Variants in PCDHGB1 observed in about 807,000 individuals in gnomAD.
PCDHGB1 encodes the protein protocadherin gamma-B1.
In PCDHGB1, 34 loss-of-function variants were observed where a neutral mutation model predicts 56.6. The observed-to-expected ratio is 0.60, with a 90% CI of 0.46 to 0.80. PCDHGB1 has a LOEUF of 0.80. Among genes scored for constraint, PCDHGB1 ranks in the 30% least tolerant of loss-of-function variants. The pLI is 0.00. For synonymous variants in PCDHGB1, 561 were observed against 505.9 expected (o/e 1.11, Z -1.46); for missense variants, 1,278 against 1,204.6 (o/e 1.06, Z -0.90).
At position 141,486,426 on chromosome 5, in the gene PCDHGB1, A is replaced by T; in HGVS notation, c.2410-8381A>T. 6.2e-7 allele frequency: 1 copy of T among 1,614,190 alleles called. No homozygotes were observed. The highest frequency in any genetic ancestry group is 8.5e-7 in the Non-Finnish European group (1 of 1,180,026). ...GCTGGACCCTTGGATCGAGAGGCCA[A>T]ATCTAGCTATGACATCATGGTCACT... On this transcript the variant is annotated intron_variant, in intron 1 of 3. Coordinates refer to ENST00000523390, the MANE Select transcript of PCDHGB1 (RefSeq NM_018922.3). This position sits in a 1 kb window ranked among gnomAD's most constrained non-coding sequence, Gnocchi z 5.0.
At chr5:141,437,761 C>T (rs1200327020) in intron 1 of PCDHGB1, among the ~76,000 whole-genome samples, 1 of 144,680 alleles carries the variant, frequency 6.9e-6, no homozygotes, top group African/African-American at 2.6e-5. Context: ...TTTTTTGAGA[C>T]AGAGTCTCAA....
rs762801084 is a variant in PCDHGB1, at chr5:141,389,853, A to T, written c.2409+37184A>T. 5 of 1,614,050 alleles carry T rather than the reference A, an allele frequency of 3.1e-6. No homozygotes were observed. In the South Asian group the frequency reaches 5.5e-5, roughly 18 times the overall value. On this transcript the variant is annotated intron_variant, in intron 1 of 3. Transcript: ENST00000523390. The stretch of plus-strand genomic sequence containing the variant: ...ACAGCCACCACTCTCGGCCACTGCC[A>T]CGTTGCACCTGGTCTTCGCCGACAG...
At chr5:141,374,291 G>A (rs988844728) in intron 1 of PCDHGB1, 2 of 1,613,858 alleles carry the variant, frequency 1.2e-6, no homozygotes, top group African/African-American at 1.3e-5. Flanking sequence ...CGTCTCCAGA[G>A]GTAGGATGCA....
intron 1 of PCDHGB1, chr5:141,423,477 C>T (rs376147466): frequency 1.5e-5 from 24 of 1,613,872 alleles, no homozygotes; most frequent in Non-Finnish European, 1.9e-5. Flanking sequence ...TACAGGCTTT[C>T]CTGCAAACCT....
intron 1 of PCDHGB1, chr5:141,357,623 T>A (rs1394776476): frequency 6.2e-7 from 1 of 1,613,680 alleles, no homozygotes; most frequent in Admixed American, 1.7e-5. Context: ...AATCTTCAGG[T>A]GAGTCAATCT....
chr5:141,362,997 G>A (rs1275044345), intron 1 of PCDHGB1, among the ~76,000 whole-genome samples: 1 of 152,256 alleles, frequency 6.6e-6, no homozygotes, highest in African/African-American at 2.4e-5. Context: ...GGCATGGCTT[G>A]TTAATCACAG....
intron 1 of PCDHGB1, chr5:141,382,739 G>C (rs1005950630): frequency 5.2e-6 from 3 of 573,658 alleles, no homozygotes; most frequent in Non-Finnish European, 5.9e-6. Context: ...ACAGAGAAAC[G>C]ACAGATTGCG....
At chr5:141,379,806 A>C (rs965954468) in intron 1 of PCDHGB1, among the ~76,000 whole-genome samples, 2 of 150,310 alleles carry the variant, frequency 1.3e-5, no homozygotes, top group African/African-American at 4.9e-5. Context: ...AGGTTTTGAG[A>C]GTTCAGTATA....
At chr5:141,503,936 C>G (rs2099834285) in intron 2 of PCDHGB1, among the ~76,000 whole-genome samples, 1 of 152,186 alleles carries the variant, frequency 6.6e-6, no homozygotes, top group Non-Finnish European at 1.5e-5. Flanking sequence ...CATTTTCATG[C>G]CTTCAAGGCC....
chr5:141,398,586 A>C, intron 1 of PCDHGB1: 1 of 1,614,054 alleles, frequency 6.2e-7, no homozygotes, highest in Admixed American at 1.7e-5. Flanking sequence ...CAAGATTTAT[A>C]CTAGAAGTAG....
chr5:141,423,138 C>A (rs767107885), intron 1 of PCDHGB1: 3 of 1,613,606 alleles, frequency 1.9e-6, no homozygotes, highest in Non-Finnish European at 2.5e-6. Context: ...TGGACAGAGA[C>A]GCGCTCAAGC....
In PCDHGB1 at chr5:141,356,290, A is replaced by G. The variant is rs367807303; in HGVS notation, c.2409+3621A>G. 8 of 1,555,814 alleles carry G rather than the reference A, an allele frequency of 5.1e-6. No individual in the cohort carries two copies. The highest frequency in any genetic ancestry group is 6.1e-6 in the Non-Finnish European group (7 of 1,149,116). On this transcript the variant is annotated intron_variant, in intron 1 of 3. Coordinates refer to ENST00000523390, the MANE Select transcript of PCDHGB1 (RefSeq NM_018922.3). Reference sequence around the variant, plus strand: ...AGTCCAGGAATCTTCTTCCCCGGGTACAGTAATTGCACTTTTCAACGTGCA... The same window carrying G: ...AGTCCAGGAATCTTCTTCCCCGGGTGCAGTAATTGCACTTTTCAACGTGCA...
At chr5:141,427,838 C>T (rs978867590) in intron 1 of PCDHGB1, 4 of 1,546,186 alleles carry the variant, frequency 2.6e-6, no homozygotes, top group Non-Finnish European at 1.8e-6. Flanking sequence ...AGCGTGCCTT[C>T]GACCACGAGC....
intron 1 of PCDHGB1, chr5:141,427,787 C>A (rs2097070880): frequency 6.8e-7 from 1 of 1,478,064 alleles, no homozygotes; most frequent in Non-Finnish European, 9.4e-7. Context: ...CACTGTCGTC[C>A]TACGTGTCCG....
chr5:141,350,819 A>G lies in PCDHGB1; in HGVS notation c.559A>G (p.Lys187Glu), dbSNP rs1214337885. Reference sequence around the variant, plus strand: ...AACGAAGGAAAGTCCTGATGGAAGTAAATATCCGGTATTACTGCTGGAAAA... The same window carrying G: ...AACGAAGGAAAGTCCTGATGGAAGTGAATATCCGGTATTACTGCTGGAAAA... The part of the protein sequence containing the change: ...LSTKESPDGS[K>E]YPVLLLEKPL... The change falls in exon 1 of 4, where the codon AAA becomes GAA. Residue 187 changes from lysine to glutamate, a missense_variant. Physicochemically the swap from Lys to Glu is moderately conservative, Grantham distance 56. Transcript: ENST00000523390. 3 of 1,614,028 alleles carry G rather than the reference A, an allele frequency of 1.9e-6. No individual in the cohort carries two copies. Among genetic ancestry groups the G allele is most frequent in the Non-Finnish European group, 2.5e-6 (3 of 1,179,882 alleles).
At chr5:141,427,056 T>C (rs1472513807) in intron 1 of PCDHGB1, 1 of 457,676 alleles carries the variant, frequency 2.2e-6, no homozygotes, top group Non-Finnish European at 4.4e-6. Flanking sequence ...CCCAGGCACC[T>C]CTGTACTAAA....
intron 1 of PCDHGB1, among the ~76,000 whole-genome samples, chr5:141,397,623 T>A (rs2093546552): frequency 6.6e-6 from 1 of 152,242 alleles, no homozygotes; most frequent in South Asian, 2.1e-4. Context: ...TACTTAGTTC[T>A]AGCTAAGAGT....
chr5:141,491,845 G>A lies in PCDHGB1; in HGVS notation c.2410-2962G>A. 6.8e-7 allele frequency: 1 copy of A among 1,463,944 alleles called. No homozygotes were observed. The highest frequency in any genetic ancestry group is 9.0e-7 in the Non-Finnish European group (1 of 1,106,126). 90.7% of individuals were successfully genotyped at this position (1,463,944 alleles called of 1,614,324 possible). ...CTCCACCCGATTCTCGGGATCATTGGACCGTTTGCGCGAAACCAGAGTGGC... is the reference window on the plus strand; with the variant it reads ...CTCCACCCGATTCTCGGGATCATTGAACCGTTTGCGCGAAACCAGAGTGGC... On this transcript the variant is annotated intron_variant, in intron 1 of 3. Coordinates refer to ENST00000523390, the MANE Select transcript of PCDHGB1 (RefSeq NM_018922.3). This position sits in a 1 kb window ranked among gnomAD's most constrained non-coding sequence, Gnocchi z 6.9.
intron 1 of PCDHGB1, among the ~76,000 whole-genome samples, chr5:141,381,816 C>G (rs1588905035): frequency 8.2e-6 from 1 of 122,550 alleles, no homozygotes. Context: ...TTCTTTCTTT[C>G]TTTCTTCTTC....
Sources: allele counts gnomAD v4.1 joint callset (sites outside exome capture counted in the v4.1 genomes callset), GRCh38; gene constraint gnomAD v4.1.1; non-coding constraint Gnocchi (gnomAD v3.1); transcripts MANE v1.5; gene names NCBI Gene and HGNC (gene_info 2026-07-23, HGNC 2026-07-21).